Variants in SETD5 observed in about 807,000 individuals in gnomAD.
The protein encoded by SETD5 is SET domain containing 5, also known as histone-lysine N-methyltransferase SETD5.
In SETD5, 44 loss-of-function variants were observed where a neutral mutation model predicts 153.3. The ratio of observed to expected loss-of-function variants is 0.29; its 90% CI spans 0.23 to 0.37. SETD5 has a LOEUF of 0.37. SETD5 is among the 10% of genes least tolerant of loss of function. The pLI is 1.00. For synonymous variants in SETD5, 716 were observed against 645.2 expected (o/e 1.11, Z -1.66); for missense variants, 1,544 against 1,768.0 (o/e 0.87, Z 2.27).
rs894184095 is a variant in SETD5, at chr3:9,445,234, A to G, written c.1374A>G (p.Ser458=). The G allele has an allele frequency of 4.3e-6, 7 of 1,612,446 alleles. No homozygotes were observed. Among genetic ancestry groups the G allele is most frequent in the Non-Finnish European group, 5.9e-6 (7 of 1,179,126 alleles). ...AGATGGAGCAGCAGAATGAGGCTTC[A>G]GAGGAGAATAATGACCAGCAATCAC... ...ELEMEQQNEA[S]EENNDQQSQE... Residue 458 remains serine, a synonymous_variant, in exon 12 of 23, where the codon TCA becomes TCG. Coordinates refer to ENST00000402198, the MANE Select transcript of SETD5 (RefSeq NM_001080517.3).
At chr3:9,474,393 T>A in intron 20 of SETD5, 56 bp from the exon 21 acceptor site, 1 of 1,593,362 alleles carries the variant, frequency 6.3e-7, no homozygotes, top group Non-Finnish European at 8.6e-7. Context: ...TGGTTAGGGC[T>A]TCATTTGTTT....
chr3:9,404,421 AATT>A (rs1411674804), intron 1 of SETD5, among the ~76,000 whole-genome samples: 1 of 152,238 alleles, frequency 6.6e-6, no homozygotes, highest in East Asian at 1.9e-4. Flanking sequence ...TTGAGTAATT[AATT>A]ATTATTGTAA....
intron 16 of SETD5, chr3:9,449,640 C>G (rs2125303312): frequency 6.6e-6 from 1 of 152,084 alleles, no homozygotes; most frequent in East Asian, 1.9e-4. Flanking sequence ...TCTCTTTCCC[C>G]AAAGAACAGA....
intron 3 of SETD5, chr3:9,429,777 C>G: frequency 8.3e-7 from 1 of 1,202,114 alleles, no homozygotes; most frequent in Non-Finnish European, 1.1e-6. Context: ...CTCACAGATT[C>G]CCCCTCTTGT....
intron 15 of SETD5, among the ~76,000 whole-genome samples, 181 bp from the exon 16 acceptor site, chr3:9,448,207 T>A (rs2042234349): frequency 6.6e-6 from 1 of 152,210 alleles, no homozygotes; most frequent in African/African-American, 2.4e-5. Context: ...TAGCTGAAAT[T>A]ATTCCTCTCT....
chr3:9,459,687 C>G (rs1229694165), intron 17 of SETD5, among the ~76,000 whole-genome samples: 1 of 145,660 alleles, frequency 6.9e-6, no homozygotes, highest in Non-Finnish European at 1.5e-5. Context: ...CCACTGCACT[C>G]CAGCCTGGGC....
chr3:9,415,965 C>G (rs578060282), intron 1 of SETD5, among the ~76,000 whole-genome samples: 4 of 151,930 alleles, frequency 2.6e-5, no homozygotes, highest in Non-Finnish European at 5.9e-5. Context: ...AGCCACCCAC[C>G]GAGCTCAAGC....
chr3:9,462,076 C>A (rs2044015481), intron 17 of SETD5, among the ~76,000 whole-genome samples: 1 of 152,100 alleles, frequency 6.6e-6, no homozygotes, highest in African/African-American at 2.4e-5. Flanking sequence ...TTATTCTTCC[C>A]TCTTCATCTA....
chr3:9,475,955 C>T lies in SETD5; in HGVS notation c.4193C>T (p.Ala1398Val), dbSNP rs754829777. 6.2e-6 allele frequency: 10 copies of T among 1,614,042 alleles called. No homozygotes were observed. Among genetic ancestry groups the T allele is most frequent in the South Asian group, 1.1e-5 (1 of 91,080 alleles). The change falls in exon 23 of 23, where the codon GCT (alanine) becomes GTT (valine). Residue 1398 changes from alanine (A) to valine (V), a missense_variant. By Grantham distance (64) the Ala-to-Val change is moderately conservative. Transcript: ENST00000402198. ...AGTCTGCCCAGTGCTGGGCAGTCAGCTGTCTACCAGGCCTCCAGGGTATCT... is the reference window on the plus strand; with the variant it reads ...AGTCTGCCCAGTGCTGGGCAGTCAGTTGTCTACCAGGCCTCCAGGGTATCT... ...TISLPSAGQS[A>V]VYQASRVSAV...
At chr3:9,411,888 T>G (rs1303904929) in intron 1 of SETD5, among the ~76,000 whole-genome samples, 1 of 152,204 alleles carries the variant, frequency 6.6e-6, no homozygotes, top group African/African-American at 2.4e-5. Context: ...TAGTTAAAAT[T>G]TGAGGCCTCT....
chr3:9,450,316 A>G (rs1365549921), intron 16 of SETD5, among the ~76,000 whole-genome samples: 4 of 152,196 alleles, frequency 2.6e-5, no homozygotes, highest in Admixed American at 2.0e-4. Context: ...GCTCTACTCA[A>G]GCACTTTTAT....
chr3:9,412,935 C>T (rs1279043258), intron 1 of SETD5, among the ~76,000 whole-genome samples: 8 of 151,162 alleles, frequency 5.3e-5, no homozygotes, highest in Non-Finnish European at 1.2e-4. Flanking sequence ...TGCTATGTTG[C>T]CCAGCTGGCC....
chr3:9,402,490 G>A (rs994394887), intron 1 of SETD5, among the ~76,000 whole-genome samples: 10 of 152,136 alleles, frequency 6.6e-5, no homozygotes, highest in Non-Finnish European at 1.5e-4. Context: ...GACAGGGAAA[G>A]GAATTTTCTG....
At chr3:9,411,734 AC>A (rs574261743) in intron 1 of SETD5, among the ~76,000 whole-genome samples, 1 of 152,232 alleles carries the variant, frequency 6.6e-6, no homozygotes, top group Non-Finnish European at 1.5e-5. Context: ...GGTTATTGTT[AC>A]GAGTATTTGA....
intron 8 of SETD5, 115 bp downstream of exon 8, chr3:9,440,813 G>A (rs2041185374): frequency 7.6e-7 from 1 of 1,312,772 alleles, no homozygotes; most frequent in Non-Finnish European, 1.0e-6. Flanking sequence ...TGGAATAACA[G>A]ATTAGCCAGG....
In SETD5 at chr3:9,450,770, C is replaced by T. The variant is rs183590261; in HGVS notation, c.2346+2140C>T. Among the ~76,000 whole-genome samples the T allele has an allele frequency of 3.2e-3, 494 of 152,280 alleles. 2 individuals are homozygous for T. The highest frequency in any genetic ancestry group is 4.3e-3 in the Admixed American group (66 of 15,296). On this transcript the variant is annotated intron_variant, in intron 16 of 22. Transcript: ENST00000402198. ...TTCTAATAGGCTCACTGTTTCATATCTCACTAAAGAGGTAAGGGCCTGGCC... is the reference window on the plus strand; with the variant it reads ...TTCTAATAGGCTCACTGTTTCATATTTCACTAAAGAGGTAAGGGCCTGGCC...
At chr3:9,425,896 T>C (rs996424701) in intron 2 of SETD5, among the ~76,000 whole-genome samples, 1 of 152,208 alleles carries the variant, frequency 6.6e-6, no homozygotes, top group Non-Finnish European at 1.5e-5. Flanking sequence ...ACAATTCAGA[T>C]TCCCTTTGCT....
intron 20 of SETD5, 91 bp from the exon 21 acceptor site, chr3:9,474,358 T>C (rs1370885097): frequency 4.6e-5 from 64 of 1,399,592 alleles, no homozygotes; most frequent in Non-Finnish European, 5.6e-5. Context: ...TTTAAGAGGA[T>C]GTTTTAAGAA....
chr3:9,439,447 A>G (rs1468371163), intron 7 of SETD5, among the ~76,000 whole-genome samples: 2 of 152,226 alleles, frequency 1.3e-5, no homozygotes, highest in Non-Finnish European at 2.9e-5. Context: ...ATTTAATTTT[A>G]TTGTACCTGT....
Sources: gnomAD v4.1 joint callset for allele counts (sites outside exome capture counted in the v4.1 genomes callset) on GRCh38, gnomAD v4.1.1 for gene constraint, MANE v1.5 for transcripts, NCBI Gene and HGNC (gene_info 2026-07-23, HGNC 2026-07-21) for gene names.